Variants in RUFY1 observed in about 807,000 individuals in gnomAD.
RUFY1 encodes the protein RUN and FYVE domain containing 1.
In RUFY1, 54 loss-of-function variants were observed where a neutral mutation model predicts 94.6. That is an observed-to-expected ratio of 0.57 (90% CI 0.46 to 0.72). RUFY1 has a LOEUF of 0.72. Among genes scored for constraint, RUFY1 ranks in the 30% least tolerant of loss-of-function variants. The pLI is 0.00. For missense variants in RUFY1, 883 were observed against 883.9 expected (o/e 1.00, Z 0.01); for synonymous variants, 396 against 347.3 (o/e 1.14, Z -1.56).
At chr5:179,607,744 C>A in intron 17 of RUFY1, 85 bp downstream of exon 17, 1 of 1,202,894 alleles carries the variant, frequency 8.3e-7, no homozygotes. Flanking sequence ...AAGCCCATAT[C>A]AGAGCAGGCT....
At chr5:179,556,095 A>G (rs1262039076) in intron 1 of RUFY1, among the ~76,000 whole-genome samples, 3 of 152,168 alleles carry the variant, frequency 2.0e-5, no homozygotes, top group Admixed American at 6.5e-5. Context: ...TTGACTTTTT[A>G]AAATAAAACT....
rs1463055427 is a variant in RUFY1, at chr5:179,580,221, G to GTGTGTA, written c.891-721_891-720insATGTGT. Among the ~76,000 whole-genome samples the GTGTGTA allele has an allele frequency of 1.3e-3, 76 of 58,138 alleles. 1 individual carries two copies. The highest frequency in any genetic ancestry group is 2.4e-3 in the Admixed American group (13 of 5,508). The allele number at this position is 58,138 out of a possible 152,430, so 38.1% of individuals were successfully genotyped here. ...CAAAAAATTCCGTGTGTGTGTGTGTGTGTGTGTGTGTGTGTGTGTGTATAT... is the reference window on the plus strand; with the variant it reads ...CAAAAAATTCCGTGTGTGTGTGTGTGTGTGTATGTGTGTGTGTGTGTGTGTGTATAT... On this transcript the variant is annotated intron_variant, in intron 6 of 17. Transcript: ENST00000319449.
chr5:179,607,778 T>C (rs192869671), intron 17 of RUFY1, 119 bp downstream of exon 17: 2 of 827,782 alleles, frequency 2.4e-6, no homozygotes, highest in Non-Finnish European at 3.9e-6. Flanking sequence ...CTGTGCTGAC[T>C]GTGGCAGATG....
chr5:179,596,924 T>G, intron 13 of RUFY1: 30 of 468,668 alleles, frequency 6.4e-5, no homozygotes, highest in East Asian at 1.1e-4. Flanking sequence ...CAAACCATGG[T>G]ACCAGGTCAC....
rs779726133 is a variant in RUFY1 at position 179,577,081 on chromosome 5, G to C, written c.835G>C (p.Val279Leu). 4.6e-6 allele frequency: 7 copies of C among 1,515,314 alleles called. No homozygotes were observed. The highest frequency in any genetic ancestry group is 1.8e-5 in the Admixed American group (1 of 56,912). The allele number at this position is 1,515,314 out of a possible 1,614,324, so 93.9% of individuals were successfully genotyped here. ...TGCATTTTATTTCGTTTAGGTTGGA[G>C]TAATAGATTTTTCCCTCTACCTTAA... Reference protein sequence around the residue: ...KGEDLDSQVGVIDFSLYLKDV... With the variant: ...KGEDLDSQVGLIDFSLYLKDV... The change falls in exon 6 of 18, where the codon GTA (valine) becomes CTA (leucine). Residue 279 changes from valine to leucine, a missense_variant. Physicochemically the swap from Val to Leu is conservative, Grantham distance 32 (BLOSUM62 1). Coordinates refer to ENST00000319449, the MANE Select transcript of RUFY1 (RefSeq NM_025158.5).
At chr5:179,580,246 T>TA (rs1554118967) in intron 6 of RUFY1, among the ~76,000 whole-genome samples, 19,555 of 103,778 alleles carry the variant, frequency 0.19, 2,206 homozygotes, top group East Asian at 0.5. Flanking sequence ...TGTGTGTATA[T>TA]TTTTTTTTTT....
At chr5:179,599,096 C>G (rs1207854411) in intron 14 of RUFY1, among the ~76,000 whole-genome samples, 2 of 152,200 alleles carry the variant, frequency 1.3e-5, no homozygotes, top group Non-Finnish European at 2.9e-5. Flanking sequence ...GGGGAGGGAG[C>G]GACCGGTGAG....
chr5:179,582,743 T>G (rs940455596), intron 7 of RUFY1, among the ~76,000 whole-genome samples: 1 of 152,010 alleles, frequency 6.6e-6, no homozygotes, highest in Non-Finnish European at 1.5e-5. Context: ...CTCGAGAGGC[T>G]GAGGCAGAAG....
chr5:179,552,359 G>T (rs541750097), intron 1 of RUFY1, among the ~76,000 whole-genome samples: 1 of 152,140 alleles, frequency 6.6e-6, no homozygotes, highest in East Asian at 1.9e-4. Flanking sequence ...GCACACACTC[G>T]AGGCTTCCTG....
rs563088490 is a variant in RUFY1 at position 179,574,506 on chromosome 5, C to T, written c.829-2569C>T. Among the ~76,000 whole-genome samples the T allele has an allele frequency of 3.3e-5, 5 of 152,324 alleles. No individual in the cohort carries two copies. In the East Asian group the frequency reaches 5.8e-4, roughly 18 times the overall value. ...TTTTTTCTGTGCAGGCTTGCTAGAACTTACTGGTATGACCACTTCACCCTT... is the reference window on the plus strand; with the variant it reads ...TTTTTTCTGTGCAGGCTTGCTAGAATTTACTGGTATGACCACTTCACCCTT... On this transcript the variant is annotated intron_variant, in intron 5 of 17. Coordinates refer to ENST00000319449, the MANE Select transcript of RUFY1 (RefSeq NM_025158.5).
At chr5:179,590,574 TC>T (rs1217379407) in intron 9 of RUFY1, among the ~76,000 whole-genome samples, 1 of 150,720 alleles carries the variant, frequency 6.6e-6, no homozygotes, top group Non-Finnish European at 1.5e-5. Context: ...AAGCTCCGCC[TC>T]CCAGGTTCAC....
chr5:179,607,629 T>C lies in RUFY1; in HGVS notation c.1953T>C (p.Cys651=). 1 of 1,614,236 alleles carries C rather than the reference T, an allele frequency of 6.2e-7. No individual in the cohort carries two copies. Among genetic ancestry groups the C allele is most frequent in the East Asian group, 2.2e-5 (1 of 44,888 alleles). The change falls in exon 17 of 18, where the codon TGT becomes TGC. Residue 651 remains cysteine, a synonymous_variant. Coordinates refer to ENST00000319449, the MANE Select transcript of RUFY1 (RefSeq NM_025158.5). ...KDDEATHCRQ[C]EKEFSISRRK... is the part of the protein sequence containing the mutation. ...ACGAAGCGACACACTGTAGGCAGTG[T>C]GAGAAGGAGTTCTCCATTTCCCGGA...
At chr5:179,554,535 T>C (rs1762017909) in intron 1 of RUFY1, among the ~76,000 whole-genome samples, 1 of 149,998 alleles carries the variant, frequency 6.7e-6, no homozygotes, top group African/African-American at 2.5e-5. Flanking sequence ...AAACTTTGTC[T>C]CAAAAAAAAA....
chr5:179,559,833 CAGGT>C, intron 1 of RUFY1, 188 bp from the exon 2 acceptor site: 1 of 1,345,334 alleles, frequency 7.4e-7, no homozygotes, highest in South Asian at 1.9e-5. Flanking sequence ...CCCCGCCGTC[CAGGT>C]AGGGGGCTGT....
At position 179,580,927 on chromosome 5, in the gene RUFY1, T is replaced by C. The variant is rs1226730778; in HGVS notation, c.891-20T>C. The stretch of plus-strand genomic sequence containing the variant: ...CCATTAATAAAAAAAAGTTCTTCCT[T>C]CTTATGCTCCTTTTAAAAGGCATGA... On this transcript the variant is annotated intron_variant, in intron 6 of 17. Coordinates refer to ENST00000319449, the MANE Select transcript of RUFY1 (RefSeq NM_025158.5). 1.4e-5 allele frequency: 21 copies of C among 1,505,170 alleles called. No individual in the cohort carries two copies. Among genetic ancestry groups the C allele is most frequent in the Non-Finnish European group, 1.8e-5 (20 of 1,092,536 alleles). 93.2% of individuals were successfully genotyped at this position (1,505,170 alleles called of 1,614,324 possible).
intron 5 of RUFY1, 107 bp from the exon 6 acceptor site, chr5:179,576,968 A>G (rs1443090970): frequency 3.7e-6 from 3 of 817,114 alleles, no homozygotes; most frequent in Non-Finnish European, 6.2e-6. Flanking sequence ...GACCTAAATA[A>G]ATGTTCATAG....
chr5:179,593,765 C>T (rs1386550519), intron 11 of RUFY1, 120 bp downstream of exon 11: 6 of 1,401,314 alleles, frequency 4.3e-6, no homozygotes, highest in South Asian at 1.5e-5. Context: ...GTCAGACCTG[C>T]TCCTAGGACC....
At chr5:179,605,750 C>G in intron 15 of RUFY1, 126 bp from the exon 16 acceptor site, 1 of 734,870 alleles carries the variant, frequency 1.4e-6, no homozygotes, top group Non-Finnish European at 2.4e-6. Flanking sequence ...ATTTTAACAA[C>G]TCACGTTCTG....
intron 1 of RUFY1, chr5:179,555,500 A>C (rs1581412823): frequency 3.5e-6 from 1 of 283,726 alleles, no homozygotes. Flanking sequence ...ATAGTAGGGG[A>C]TGCATGAGAT....
Sources: allele counts gnomAD v4.1 joint callset (sites outside exome capture counted in the v4.1 genomes callset), GRCh38; gene constraint gnomAD v4.1.1; transcripts MANE v1.5; gene names NCBI Gene and HGNC (gene_info 2026-07-23, HGNC 2026-07-21).